Variants in SUGCT observed in about 807,000 individuals in gnomAD.
The protein encoded by SUGCT is succinyl-CoA:glutarate-CoA transferase, also known as succinyl-CoA:glutarate CoA-transferase.
In SUGCT, 41 loss-of-function variants were observed where a neutral mutation model predicts 55.0. That is an observed-to-expected ratio of 0.74 (90% CI 0.58 to 0.97). The LOEUF (loss-of-function observed/expected upper bound fraction) is 0.97, where lower values mean the gene tolerates loss of function less well. Ranked by LOEUF, SUGCT falls within the 50% of genes least tolerant of loss-of-function variation. SUGCT has a pLI of 0.00. For missense variants in SUGCT, 568 were observed against 547.8 expected (o/e 1.04, Z -0.37); for synonymous variants, 187 against 200.4 (o/e 0.93, Z 0.56).
intron 9 of SUGCT, among the ~76,000 whole-genome samples, chr7:40,334,283 G>T (rs910906304): frequency 1.3e-5 from 2 of 152,110 alleles, no homozygotes; most frequent in Non-Finnish European, 2.9e-5. Flanking sequence ...GGATGGCTGG[G>T]TCAAATGGTA....
intron 12 of SUGCT, among the ~76,000 whole-genome samples, chr7:40,681,713 A>T (rs889544562): frequency 6.6e-6 from 1 of 152,312 alleles, no homozygotes; most frequent in Middle Eastern, 3.4e-3. Context: ...CTCAAAAGGC[A>T]GGACCTCTTG....
At chr7:40,906,939 C>A in the SUGCT span, among the ~76,000 whole-genome samples, 1 of 152,290 alleles carries the variant, frequency 6.6e-6, no homozygotes, top group East Asian at 1.9e-4. Context: ...AGCATTCCTT[C>A]AAGCATTGCT....
At chr7:40,583,396 T>C (rs986118102) in intron 12 of SUGCT, among the ~76,000 whole-genome samples, 2 of 152,172 alleles carry the variant, frequency 1.3e-5, no homozygotes, top group African/African-American at 2.4e-5. Flanking sequence ...GCTTTTCTAA[T>C]GAATACTTTT....
At chr7:40,635,348 A>G (rs1023467406) in intron 12 of SUGCT, among the ~76,000 whole-genome samples, 8 of 152,258 alleles carry the variant, frequency 5.3e-5, no homozygotes, top group African/African-American at 1.7e-4. Context: ...TCAATTACAT[A>G]AAATATTGCA....
intron 12 of SUGCT, among the ~76,000 whole-genome samples, chr7:40,504,654 G>T (rs923640028): frequency 2.0e-5 from 3 of 151,998 alleles, no homozygotes; most frequent in African/African-American, 7.2e-5. Context: ...GGCTGGTCTC[G>T]AACTCCTGGC....
chr7:40,935,614 A>T, the SUGCT span, among the ~76,000 whole-genome samples: 2 of 152,356 alleles, frequency 1.3e-5, no homozygotes, highest in Admixed American at 1.3e-4. Flanking sequence ...ATAATATTCC[A>T]TTGAATGGAT....
chr7:40,642,871 T>C (rs1313839384), intron 12 of SUGCT, among the ~76,000 whole-genome samples: 5 of 152,172 alleles, frequency 3.3e-5, no homozygotes, highest in Admixed American at 3.3e-4. Context: ...GAGGGCAATA[T>C]GGTCGAATTA....
intron 12 of SUGCT, among the ~76,000 whole-genome samples, chr7:40,703,061 C>CTTT (rs58887234): frequency 1.5e-4 from 17 of 115,766 alleles, no homozygotes; most frequent in Non-Finnish European, 2.2e-4. Flanking sequence ...TTCAGCCTAG[C>CTTT]TTTTTTTTTT....
chr7:40,357,819 T>G (rs1797952253), intron 9 of SUGCT, among the ~76,000 whole-genome samples: 1 of 152,216 alleles, frequency 6.6e-6, no homozygotes, highest in African/African-American at 2.4e-5. Context: ...AATGATTTTT[T>G]TAACCATTTA....
chr7:40,701,029 T>A (rs1785151178), intron 12 of SUGCT, among the ~76,000 whole-genome samples: 1 of 152,218 alleles, frequency 6.6e-6, no homozygotes, highest in Non-Finnish European at 1.5e-5. Flanking sequence ...TGCTTGGTAG[T>A]GGTCCTGCTG....
chr7:40,326,738 A>G (rs1407954584), intron 9 of SUGCT, among the ~76,000 whole-genome samples: 7 of 152,182 alleles, frequency 4.6e-5, no homozygotes, highest in Admixed American at 6.5e-5. Flanking sequence ...GGTTTAATTA[A>G]TTGAGATTGG....
At chr7:40,612,266 C>T (rs1798803597) in intron 12 of SUGCT, among the ~76,000 whole-genome samples, 1 of 152,130 alleles carries the variant, frequency 6.6e-6, no homozygotes, top group Non-Finnish European at 1.5e-5. Flanking sequence ...ATGCAAAGTG[C>T]TCTGGAATAT....
the SUGCT span, among the ~76,000 whole-genome samples, chr7:41,001,054 G>A: frequency 2.6e-5 from 4 of 152,172 alleles, no homozygotes; most frequent in African/African-American, 7.2e-5. Context: ...CAGACAAGTC[G>A]GGAGTGGTCT....
chr7:40,235,968 T>C (rs1274501550), intron 6 of SUGCT, among the ~76,000 whole-genome samples: 1 of 152,188 alleles, frequency 6.6e-6, no homozygotes, highest in East Asian at 1.9e-4. Flanking sequence ...CTGATGTGTA[T>C]GGAAAGCTCT....
At chr7:40,903,027 C>CTTTTA in the SUGCT span, among the ~76,000 whole-genome samples, 1 of 141,072 alleles carries the variant, frequency 7.1e-6, no homozygotes, top group African/African-American at 3.0e-5. Context: ...CATTTCTTTT[C>CTTTTA]TTTTCTTTTC....
At chr7:40,309,772 A>C (rs190236318) in intron 8 of SUGCT, among the ~76,000 whole-genome samples, 42 of 103,042 alleles carry the variant, frequency 4.1e-4, no homozygotes, top group African/African-American at 1.2e-3. Context: ...GGAGTGCTAA[A>C]AACAAAGCCC....
chr7:40,304,628 TTCTTATG>T (rs1351234685), intron 8 of SUGCT, among the ~76,000 whole-genome samples: 2 of 150,926 alleles, frequency 1.3e-5, no homozygotes, highest in Non-Finnish European at 3.0e-5. Flanking sequence ...CAGCATATCA[TTCTTATG>T]TCTTTGCATC....
intron 12 of SUGCT, among the ~76,000 whole-genome samples, chr7:40,496,830 G>T (rs1198328819): frequency 8.6e-6 from 1 of 116,500 alleles, no homozygotes; most frequent in African/African-American, 4.2e-5. Context: ...ATCTTAAAAT[G>T]TACAGAGCAA....
downstream of SUGCT, among the ~76,000 whole-genome samples, chr7:40,863,007 G>A (rs992867554): frequency 6.9e-6 from 1 of 145,444 alleles, no homozygotes; most frequent in African/African-American, 2.4e-5. Context: ...GGGAGGCTGA[G>A]GCACCTGGAT....
Sources: allele counts gnomAD v4.1 joint callset (sites outside exome capture counted in the v4.1 genomes callset), GRCh38; gene constraint gnomAD v4.1.1; transcripts MANE v1.5; gene names NCBI Gene and HGNC (gene_info 2026-07-23, HGNC 2026-07-21).